KCNN2: variants seen among roughly 807,000 people sequenced by gnomAD.
KCNN2 encodes potassium calcium-activated channel subfamily N member 2, also known as small conductance calcium-activated potassium channel protein 2.
A neutral mutation model predicts 55.5 loss-of-function variants in KCNN2; 24 were observed. That is an observed-to-expected ratio of 0.43 (90% CI 0.31 to 0.61). The LOEUF is 0.61. KCNN2 is among the 20% of genes least tolerant of loss of function. The pLI is 0.08. For synonymous variants in KCNN2, 431 were observed against 336.1 expected (o/e 1.28, Z -3.09); for missense variants, 754 against 853.6 (o/e 0.88, Z 1.45).
chr5:114,379,961 G>A (rs1466726361), intron 2 of KCNN2, among the ~76,000 whole-genome samples: 1 of 149,356 alleles, frequency 6.7e-6, no homozygotes, highest in Non-Finnish European at 1.5e-5. Flanking sequence ...AAATATATAA[G>A]TATAGAAAAT....
intron 2 of KCNN2, among the ~76,000 whole-genome samples, chr5:114,350,603 C>A (rs2150040076): frequency 6.6e-6 from 1 of 151,950 alleles, no homozygotes; most frequent in African/African-American, 2.4e-5. Flanking sequence ...ACATTTAGGT[C>A]TTTGATCTAT....
chr5:114,245,208 T>G (rs2112620379), intron 2 of KCNN2, among the ~76,000 whole-genome samples: 1 of 152,346 alleles, frequency 6.6e-6, no homozygotes, highest in East Asian at 1.9e-4. Flanking sequence ...ATTTTCTTTC[T>G]AAATCAAAAA....
At chr5:114,450,462 G>A (rs1377258377) in intron 3 of KCNN2, among the ~76,000 whole-genome samples, 1 of 152,198 alleles carries the variant, frequency 6.6e-6, no homozygotes, top group Non-Finnish European at 1.5e-5. Flanking sequence ...AAAGGAACAG[G>A]AGGAAAGAGA....
intron 1 of KCNN2, among the ~76,000 whole-genome samples, chr5:114,202,585 A>ATTTT (rs34199170): frequency 0.038 from 3,491 of 92,002 alleles, 168 homozygotes; most frequent in Middle Eastern, 0.056. Context: ...ATATATATAT[A>ATTTT]TTTTTTTTTT....
At chr5:114,197,137 C>T (rs1198540911) in intron 1 of KCNN2, among the ~76,000 whole-genome samples, 1 of 152,020 alleles carries the variant, frequency 6.6e-6, no homozygotes, top group East Asian at 1.9e-4. Flanking sequence ...TTTGTCTATT[C>T]CAAAATTTCC....
At chr5:114,244,502 C>T (rs1360855337) in intron 2 of KCNN2, among the ~76,000 whole-genome samples, 1 of 151,608 alleles carries the variant, frequency 6.6e-6, no homozygotes, top group African/African-American at 2.4e-5. Flanking sequence ...GAGGCTGAGG[C>T]AGGAGAATTG....
intron 2 of KCNN2, among the ~76,000 whole-genome samples, chr5:114,239,616 T>C (rs4482897): frequency 0.36 from 55,460 of 152,032 alleles, 10,651 homozygotes; most frequent in East Asian, 0.74. Flanking sequence ...GTTTTTTGTT[T>C]TCAACTATTT....
intron 2 of KCNN2, among the ~76,000 whole-genome samples, chr5:114,281,613 G>T (rs1026890891): frequency 8.4e-6 from 1 of 119,402 alleles, no homozygotes; most frequent in Admixed American, 8.9e-5. Context: ...CTCTCTCCCC[G>T]CCCCTCCATC....
intron 1 of KCNN2, among the ~76,000 whole-genome samples, chr5:114,207,920 T>C (rs761922872): frequency 2.0e-5 from 3 of 152,188 alleles, no homozygotes; most frequent in Non-Finnish European, 4.4e-5. Context: ...CCCATCTCCG[T>C]CACAGTGACT....
At chr5:114,213,503 G>A (rs1753932888) in intron 1 of KCNN2, among the ~76,000 whole-genome samples, 1 of 149,210 alleles carries the variant, frequency 6.7e-6, no homozygotes, top group African/African-American at 2.5e-5. Context: ...TTTTGTTTTT[G>A]TGATTTTATA....
intron 5 of KCNN2, among the ~76,000 whole-genome samples, chr5:114,480,005 T>C (rs1190934020): frequency 6.6e-6 from 1 of 151,040 alleles, no homozygotes; most frequent in Non-Finnish European, 1.5e-5. Context: ...AGACAAGAAA[T>C]AACCAAGATC....
chr5:114,103,757 G>T (rs1171954286), intron 1 of KCNN2, among the ~76,000 whole-genome samples: 10 of 152,152 alleles, frequency 6.6e-5, no homozygotes, highest in African/African-American at 2.2e-4. Flanking sequence ...AATCAGCCTT[G>T]CATCCCAGGG....
intron 3 of KCNN2, among the ~76,000 whole-genome samples, chr5:114,442,050 A>G (rs1322906665): frequency 6.6e-6 from 1 of 152,144 alleles, no homozygotes; most frequent in Non-Finnish European, 1.5e-5. Flanking sequence ...TCAAACACAA[A>G]TTAAAAAGAG....
chr5:114,428,761 G>C (rs1759702411), intron 3 of KCNN2, among the ~76,000 whole-genome samples: 1 of 151,910 alleles, frequency 6.6e-6, no homozygotes, highest in Non-Finnish European at 1.5e-5. Context: ...GGCAATCACT[G>C]ATCTTTTCAT....
chr5:114,361,605 A>G (rs1757423563), upstream of KCNN2, among the ~76,000 whole-genome samples: 1 of 151,470 alleles, frequency 6.6e-6, no homozygotes, highest in Non-Finnish European at 1.5e-5. Context: ...CGAGGCGTGC[A>G]GTCGGAGAAG....
At chr5:114,402,237 T>C (rs1758808059) in intron 2 of KCNN2, among the ~76,000 whole-genome samples, 1 of 152,072 alleles carries the variant, frequency 6.6e-6, no homozygotes, top group Admixed American at 6.5e-5. Context: ...ACAAATGAGA[T>C]AAAAATTAAG....
chr5:114,170,535 A>G (rs1009642680), intron 1 of KCNN2, among the ~76,000 whole-genome samples: 4 of 151,986 alleles, frequency 2.6e-5, no homozygotes, highest in African/African-American at 9.7e-5. Flanking sequence ...GCACATACCT[A>G]TGCATCACAC....
intron 1 of KCNN2, among the ~76,000 whole-genome samples, chr5:114,081,993 A>G (rs180943606): frequency 1.1e-4 from 16 of 152,244 alleles, no homozygotes; most frequent in African/African-American, 3.9e-4. Context: ...TGTCCAATAT[A>G]TATTCCAAAG....
At chr5:114,083,780 C>G (rs1166296397) in intron 1 of KCNN2, among the ~76,000 whole-genome samples, 1 of 152,156 alleles carries the variant, frequency 6.6e-6, no homozygotes, top group Non-Finnish European at 1.5e-5. Flanking sequence ...ATTAATCCAC[C>G]CTTACGTTAT....
Sources: allele counts gnomAD v4.1 joint callset (sites outside exome capture counted in the v4.1 genomes callset), GRCh38; gene constraint gnomAD v4.1.1; transcripts MANE v1.5; gene names NCBI Gene and HGNC (gene_info 2026-07-23, HGNC 2026-07-21).